CYP46A1: variants seen among roughly 807,000 people sequenced by gnomAD.
The protein encoded by CYP46A1 is cholesterol 24-hydroxylase.
A neutral mutation model predicts 63.3 loss-of-function variants in CYP46A1; 20 were observed. That is an observed-to-expected ratio of 0.32 (90% CI 0.22 to 0.46). CYP46A1 has a LOEUF of 0.46. Among genes scored for constraint, CYP46A1 ranks in the 20% least tolerant of loss-of-function variants. The pLI, the probability that CYP46A1 is intolerant of heterozygous loss-of-function variation, is 1.00. For synonymous variants in CYP46A1, 268 were observed against 273.6 expected (o/e 0.98, Z 0.20); for missense variants, 445 against 670.8 (o/e 0.66, Z 3.72).
chr14:99,692,568 G>A (rs1241009756), intron 3 of CYP46A1, among the ~76,000 whole-genome samples: 1 of 151,380 alleles, frequency 6.6e-6, no homozygotes, highest in East Asian at 2.0e-4. Context: ...AGTGGCTCAT[G>A]CCTGTAATCC....
At chr14:99,712,824 A>G (rs2056746760) in intron 7 of CYP46A1, 1 of 150,720 alleles carries the variant, frequency 6.6e-6, no homozygotes, top group Non-Finnish European at 1.5e-5. Flanking sequence ...ACCACGAAAG[A>G]GCCAAATAGC....
intron 3 of CYP46A1, chr14:99,695,602 G>GC (rs1189940303): frequency 1.1e-5 from 1 of 92,258 alleles, no homozygotes; most frequent in Non-Finnish European, 2.2e-5. Flanking sequence ...AGCCATTCCA[G>GC]CTTTATTATT....
At chr14:99,698,336 G>A (rs762833358) in intron 3 of CYP46A1, among the ~76,000 whole-genome samples, 14 of 152,016 alleles carry the variant, frequency 9.2e-5, no homozygotes, top group East Asian at 7.7e-4. Context: ...CCCTCTCTCC[G>A]CAGCAAATTG....
chr14:99,717,906 G>T, intron 9 of CYP46A1, 148 bp from the exon 10 acceptor site: 1 of 601,246 alleles, frequency 1.7e-6, no homozygotes, highest in South Asian at 2.1e-5. Flanking sequence ...AGACCTAGAC[G>T]ATGGTTCAAG....
intron 3 of CYP46A1, among the ~76,000 whole-genome samples, chr14:99,698,116 C>T (rs1022175037): frequency 6.6e-5 from 10 of 152,188 alleles, no homozygotes; most frequent in African/African-American, 2.2e-4. Flanking sequence ...ATTAAACCCC[C>T]AGGAGCTAAT....
rs147962497 is a variant in CYP46A1 at position 99,718,033 on chromosome 14, C to T, written c.908-21C>T. Reference sequence around the variant, plus strand: ...ATCCTGTGGCCCCATGTGGAGCAACCACCGTCCTCCCTTCCCACAGGTCAC... The same window carrying T: ...ATCCTGTGGCCCCATGTGGAGCAACTACCGTCCTCCCTTCCCACAGGTCAC... On this transcript the variant is annotated intron_variant, in intron 9 of 14. Coordinates refer to ENST00000261835, the MANE Select transcript of CYP46A1 (RefSeq NM_006668.2). 4.1e-5 allele frequency: 66 copies of T among 1,605,938 alleles called. 2 individuals are homozygous for T. In the Middle Eastern group the frequency reaches 8.3e-4, roughly 20 times the overall value.
chr14:99,707,020 C>G (rs1216632844), intron 6 of CYP46A1, among the ~76,000 whole-genome samples: 1 of 152,206 alleles, frequency 6.6e-6, no homozygotes, highest in Non-Finnish European at 1.5e-5. Flanking sequence ...AGGGCCTGGC[C>G]TGTAGCTGGT....
chr14:99,715,898 G>T lies in CYP46A1; in HGVS notation c.782G>T (p.Arg261Leu). 1 of 1,613,748 alleles carries T rather than the reference G, an allele frequency of 6.2e-7. No individual in the cohort carries two copies. The highest frequency in any genetic ancestry group is 8.5e-7 in the Non-Finnish European group (1 of 1,179,918). The change falls in exon 8 of 15, where the codon CGC (arginine) becomes CTC (leucine). Residue 261 changes from arginine (R) to leucine (L), a missense_variant. Around this residue, in one of 4 missense-constraint regions of CYP46A1, gnomAD observed 252 missense variants for 383.3 expected, o/e 0.66. Transcript: ENST00000261835. ...RQVGRDWVQR[R>L]REALKRGEEV... ...GTGGGCAGGGACTGGGTCCAGCGCC[G>T]CCGGGAAGCCCTGAAGAGGGGCGAG...
At chr14:99,687,253 A>G (rs1013683302) in intron 1 of CYP46A1, among the ~76,000 whole-genome samples, 1 of 152,198 alleles carries the variant, frequency 6.6e-6, no homozygotes, top group Non-Finnish European at 1.5e-5. Flanking sequence ...TCACTGTTCT[A>G]ACTTCCCTCA....
intron 10 of CYP46A1, among the ~76,000 whole-genome samples, chr14:99,718,554 G>A (rs987881090): frequency 2.6e-5 from 4 of 152,174 alleles, no homozygotes; most frequent in Non-Finnish European, 5.9e-5. Context: ...AAATTGCCAA[G>A]AGCGTGCTTG....
intron 5 of CYP46A1, among the ~76,000 whole-genome samples, chr14:99,702,074 A>C (rs2056636264): frequency 7.4e-6 from 1 of 135,764 alleles, no homozygotes; most frequent in Non-Finnish European, 1.6e-5. Context: ...CATCTCAAAA[A>C]AAAAAAAAAA....
intron 3 of CYP46A1, among the ~76,000 whole-genome samples, chr14:99,694,498 CT>C (rs879770521): frequency 9.8e-4 from 134 of 136,444 alleles, no homozygotes; most frequent in Middle Eastern, 4.0e-3. Context: ...GATTTCTCCT[CT>C]TTTTTTTTTT....
At position 99,725,641 on chromosome 14, in the gene CYP46A1, T is replaced by A. The variant is rs954075991; in HGVS notation, c.1265+162T>A. Among the ~76,000 whole-genome samples the A allele has an allele frequency of 1.3e-5, 2 of 152,142 alleles. No homozygotes were observed. Among genetic ancestry groups the A allele is most frequent in the Non-Finnish European group, 2.9e-5 (2 of 68,014 alleles). ...CACAGCTCAGAGAGGTTAAGTAACT[T>A]GCCCAAGTGGCAGAGCAGGGGTCTG... is the stretch of plus-strand genomic sequence containing the variant. On this transcript the variant is annotated intron_variant, in intron 13 of 14. Transcript: ENST00000261835. This position sits in a 1 kb window ranked among gnomAD's most constrained non-coding sequence, Gnocchi z 4.2.
intron 1 of CYP46A1, among the ~76,000 whole-genome samples, chr14:99,687,169 C>T (rs1230092711): frequency 1.3e-5 from 2 of 152,180 alleles, no homozygotes; most frequent in Admixed American, 6.5e-5. Flanking sequence ...CTGCACCGAT[C>T]CGTGTAACAG....
intron 5 of CYP46A1, among the ~76,000 whole-genome samples, chr14:99,705,273 C>T (rs2140123875): frequency 6.6e-6 from 1 of 152,280 alleles, no homozygotes; most frequent in East Asian, 1.9e-4. Context: ...AATGGTGTGA[C>T]CATAGCTTAC....
chr14:99,709,706 T>C (rs990832365), intron 7 of CYP46A1: 3 of 152,200 alleles, frequency 2.0e-5, no homozygotes, highest in East Asian at 3.8e-4. Flanking sequence ...GGTATAGTCA[T>C]GCTTTGTATA....
At position 99,722,049 on chromosome 14, in the gene CYP46A1, G is replaced by A. The variant is rs146435738; in HGVS notation, c.1159G>A (p.Gly387Ser). The change falls in exon 12 of 15, where the codon GGC becomes AGC. Residue 387 changes from glycine (G) to serine (S), a missense_variant. By Grantham distance (56) the Gly-to-Ser change is moderately conservative. Coordinates refer to ENST00000261835, the MANE Select transcript of CYP46A1 (RefSeq NM_006668.2). This position sits in a 1 kb window ranked among gnomAD's most constrained non-coding sequence, Gnocchi z 4.6. The stretch of plus-strand genomic sequence containing the variant: ...CTTGATTGATGGGGTCAGAGTCCCC[G>A]GCAACACCCCGCTCTTGGTGGGTGG... ...ETLIDGVRVP[G>S]NTPLLFSTYV... The A allele has an allele frequency of 3.3e-5, 54 of 1,612,576 alleles. No homozygotes were observed. The highest frequency in any genetic ancestry group is 1.8e-4 in the Admixed American group (11 of 60,012).
intron 7 of CYP46A1, chr14:99,707,928 G>A (rs2056693803): frequency 2.2e-6 from 1 of 456,768 alleles, no homozygotes; most frequent in East Asian, 4.1e-5. Flanking sequence ...GGCAATGTAG[G>A]ATGACTATGA....
At chr14:99,724,782 C>A (rs1225032178) in intron 12 of CYP46A1, among the ~76,000 whole-genome samples, 2 of 152,180 alleles carry the variant, frequency 1.3e-5, no homozygotes, top group Non-Finnish European at 2.9e-5. Flanking sequence ...CTGCACTGAC[C>A]CCCAGCACAG....
Sources: gnomAD v4.1 joint callset for allele counts (sites outside exome capture counted in the v4.1 genomes callset) on GRCh38, gnomAD v4.1.1 for gene constraint, gnomAD v4.1.1 regional missense constraint, Gnocchi (gnomAD v3.1) non-coding constraint, MANE v1.5 for transcripts, NCBI Gene and HGNC (gene_info 2026-07-23, HGNC 2026-07-21) for gene names.